The following LRGUK variants were observed in gnomAD, a reference collection of about 807,000 sequenced individuals.
LRGUK encodes leucine rich repeats and guanylate kinase domain containing.
A neutral mutation model predicts 76.0 loss-of-function variants in LRGUK; 65 were observed. The ratio of observed to expected loss-of-function variants is 0.85; its 90% CI spans 0.70 to 1.05. LRGUK has a LOEUF of 1.05. Among genes scored for constraint, LRGUK ranks in the 50% least tolerant of loss-of-function variants. The pLI is 0.00. For missense variants in LRGUK, 758 were observed against 732.8 expected (o/e 1.03, Z -0.40); for synonymous variants, 268 against 265.6 (o/e 1.01, Z -0.09).
intron 12 of LRGUK, among the ~76,000 whole-genome samples, chr7:134,193,440 C>T (rs1339331167): frequency 2.0e-5 from 3 of 152,154 alleles, no homozygotes; most frequent in African/African-American, 7.2e-5. Flanking sequence ...CATCTGCTCT[C>T]TGGTGTTTCA....
At chr7:134,137,299 C>T (rs1237143898) in intron 2 of LRGUK, among the ~76,000 whole-genome samples, 169 bp downstream of exon 2, 1 of 152,124 alleles carries the variant, frequency 6.6e-6, no homozygotes, top group East Asian at 1.9e-4. Context: ...TTCAAAGAGC[C>T]CTGACCAATT....
intron 13 of LRGUK, among the ~76,000 whole-genome samples, chr7:134,198,520 A>G (rs953502620): frequency 6.6e-6 from 1 of 152,234 alleles, no homozygotes. Flanking sequence ...TTGAACATTG[A>G]GTGAAACTGA....
intron 16 of LRGUK, among the ~76,000 whole-genome samples, chr7:134,228,759 G>C (rs895590792): frequency 6.6e-6 from 1 of 152,130 alleles, no homozygotes; most frequent in Non-Finnish European, 1.5e-5. Context: ...TGAAGTCTAG[G>C]AAGAGGGTAA....
chr7:134,245,547 G>A (rs545688875), intron 16 of LRGUK, among the ~76,000 whole-genome samples: 5 of 152,234 alleles, frequency 3.3e-5, no homozygotes, highest in Non-Finnish European at 5.9e-5. Context: ...ACCTGGTTTC[G>A]TTGTAAGTTT....
At chr7:134,136,918 C>T in intron 1 of LRGUK, 105 bp from the exon 2 acceptor site, 1 of 950,240 alleles carries the variant, frequency 1.1e-6, no homozygotes, top group South Asian at 1.6e-5. Context: ...GAGAGCTCAG[C>T]TCCTGGGTAT....
chr7:134,206,945 G>A (rs528461718), intron 15 of LRGUK, among the ~76,000 whole-genome samples: 1 of 152,312 alleles, frequency 6.6e-6, no homozygotes, highest in East Asian at 1.9e-4. Context: ...CTGAGCAGTT[G>A]ACTAGTCCGT....
At chr7:134,129,040 A>G (rs947130293) in intron 1 of LRGUK, among the ~76,000 whole-genome samples, 2 of 149,624 alleles carry the variant, frequency 1.3e-5, no homozygotes, top group African/African-American at 5.1e-5. Context: ...GAAGTAGAAT[A>G]TTTTCTTTTC....
At chr7:134,224,679 C>T (rs1387644344) in intron 16 of LRGUK, among the ~76,000 whole-genome samples, 1 of 152,054 alleles carries the variant, frequency 6.6e-6, no homozygotes, top group Admixed American at 6.5e-5. Flanking sequence ...CACATATACC[C>T]CTGAACTTAA....
At chr7:134,263,680 A>T in intron 19 of LRGUK, among the ~76,000 whole-genome samples, 165 bp from the exon 20 acceptor site, 1 of 137,530 alleles carries the variant, frequency 7.3e-6, no homozygotes, top group East Asian at 2.1e-4. Context: ...CTCCCAAAGT[A>T]CTGCAATTAT....
the LRGUK span, among the ~76,000 whole-genome samples, chr7:134,274,438 A>G: frequency 4.1e-4 from 63 of 152,306 alleles, no homozygotes; most frequent in African/African-American, 1.5e-3. Context: ...AATCAGTGGA[A>G]TTGAAAAGAA....
chr7:134,127,449 C>T lies in LRGUK; in HGVS notation c.82C>T (p.Arg28Ter), dbSNP rs1797048077. ...CTTGGGCAGATCCCGAACTGGAGCC[C>T]GATCGTTACAGTTTCGCGCAGAAAA... The change falls in exon 1 of 16, where the codon CGA becomes TGA. Residue 28 changes from arginine to a stop codon, truncating the protein, a stop_gained. Transcript: ENST00000645682. LOFTEE classifies it high-confidence loss of function. 3 of 1,613,842 alleles carry T rather than the reference C, an allele frequency of 1.9e-6. No individual in the cohort carries two copies. Among genetic ancestry groups the T allele is most frequent in the Admixed American group, 1.7e-5 (1 of 59,984 alleles).
At chr7:134,273,868 G>A in the LRGUK span, among the ~76,000 whole-genome samples, 1 of 152,174 alleles carries the variant, frequency 6.6e-6, no homozygotes, top group South Asian at 2.1e-4. Flanking sequence ...TTTTGTGAAA[G>A]TGATTTAATA....
intron 1 of LRGUK, among the ~76,000 whole-genome samples, chr7:134,132,676 T>C (rs1262670893): frequency 6.6e-6 from 1 of 152,130 alleles, no homozygotes; most frequent in Non-Finnish European, 1.5e-5. Flanking sequence ...CACACTTGTA[T>C]AGCTGGAGTG....
chr7:134,238,729 G>T (rs1398617426), intron 16 of LRGUK, among the ~76,000 whole-genome samples: 2 of 152,018 alleles, frequency 1.3e-5, no homozygotes, highest in African/African-American at 4.8e-5. Flanking sequence ...TTGTCTGTTA[G>T]AATGTTACTC....
At chr7:134,138,606 C>G (rs1245832009) in intron 2 of LRGUK, among the ~76,000 whole-genome samples, 2 of 152,124 alleles carry the variant, frequency 1.3e-5, no homozygotes, top group African/African-American at 4.8e-5. Flanking sequence ...TTTATTATTA[C>G]TGTTCTAGCG....
chr7:134,235,861 G>C (rs1802001624), intron 16 of LRGUK, among the ~76,000 whole-genome samples: 2 of 152,126 alleles, frequency 1.3e-5, no homozygotes, highest in African/African-American at 4.8e-5. Context: ...AAAGATTAAA[G>C]GGGTTAGTTG....
At chr7:134,159,190 G>T (rs1297724687) in intron 6 of LRGUK, among the ~76,000 whole-genome samples, 1 of 151,824 alleles carries the variant, frequency 6.6e-6, no homozygotes, top group Non-Finnish European at 1.5e-5. Flanking sequence ...TAAAAAATTT[G>T]CTGGGCATGG....
chr7:134,161,722 G>A (rs989843452), intron 6 of LRGUK, among the ~76,000 whole-genome samples: 23 of 132,624 alleles, frequency 1.7e-4, no homozygotes, highest in Admixed American at 9.6e-4. Context: ...ACGGAGTCTC[G>A]CTCTGTTGCC....
At chr7:134,254,153 T>C (rs1398933063) in intron 18 of LRGUK, among the ~76,000 whole-genome samples, 2 of 152,198 alleles carry the variant, frequency 1.3e-5, no homozygotes, top group Admixed American at 1.3e-4. Flanking sequence ...CACTTTTTGC[T>C]TGTTGAATTA....
Sources: allele counts gnomAD v4.1 joint callset (sites outside exome capture counted in the v4.1 genomes callset), GRCh38; gene constraint gnomAD v4.1.1; transcripts MANE v1.5; gene names NCBI Gene and HGNC (gene_info 2026-07-23, HGNC 2026-07-21).